Variants in UTRN observed in about 807,000 individuals in gnomAD.
The protein encoded by UTRN is dystrophin-related protein 1.
A neutral mutation model predicts 463.9 loss-of-function variants in UTRN; 283 were observed. The observed-to-expected ratio is 0.61, with a 90% CI of 0.55 to 0.67. The LOEUF (loss-of-function observed/expected upper bound fraction) is 0.67. Ranked by LOEUF, UTRN falls within the 30% of genes least tolerant of loss-of-function variation. UTRN has a pLI of 0.00. For synonymous variants in UTRN, 1,442 were observed against 1,431.5 expected (o/e 1.01, Z -0.17); for missense variants, 3,922 against 4,084.3 (o/e 0.96, Z 1.08).
At chr6:144,701,387 C>T (rs1784580024) in intron 53 of UTRN, among the ~76,000 whole-genome samples, 1 of 149,810 alleles carries the variant, frequency 6.7e-6, no homozygotes, top group Admixed American at 6.7e-5. Context: ...TTTTACTTTT[C>T]TGAGCCAAGC....
intron 2 of UTRN, among the ~76,000 whole-genome samples, chr6:144,359,314 C>T (rs1778836803): frequency 6.6e-6 from 1 of 152,192 alleles, no homozygotes; most frequent in African/African-American, 2.4e-5. Context: ...CTTGCAGGGG[C>T]AAAACCACTC....
intron 51 of UTRN, among the ~76,000 whole-genome samples, chr6:144,623,674 G>T (rs940175893): frequency 6.6e-6 from 1 of 152,116 alleles, no homozygotes; most frequent in Non-Finnish European, 1.5e-5. Flanking sequence ...GATAGAAAAT[G>T]TATTTAATTT....
At chr6:144,824,612 A>ATATATATATG (rs1562955125) in intron 66 of UTRN, among the ~76,000 whole-genome samples, 1 of 39,802 alleles carries the variant, frequency 2.5e-5, no homozygotes, top group Non-Finnish European at 4.3e-5. Context: ...ATATATATAT[A>ATATATATATG]TCTTTTTTTT....
At position 144,646,210 on chromosome 6, in the gene UTRN, C is replaced by T. The variant is rs918655635; in HGVS notation, c.7480-32196C>T. The stretch of plus-strand genomic sequence containing the variant: ...TATTCGGCTTGAAAAGTTATTGAGG[C>T]ATGTTTTTCCACCTTTTTAACCTTC... On this transcript the variant is annotated intron_variant, in intron 51 of 74. Coordinates refer to ENST00000367545, the MANE Select transcript of UTRN (RefSeq NM_007124.3). Among the ~76,000 whole-genome samples, 14 of 152,270 alleles carry T rather than the reference C, an allele frequency of 9.2e-5. No homozygotes were observed. The East Asian group carries it at 1.2e-3, about 13-fold the overall frequency.
Position 144,499,445 on chromosome 6 carries a change from T to A in UTRN, c.4764+18T>A, listed in dbSNP as rs769045796. 4.4e-6 allele frequency: 7 copies of A among 1,585,814 alleles called. No homozygotes were observed. The South Asian group carries it at 7.9e-5, about 18-fold the overall frequency. Reference sequence around the variant, plus strand: ...GGGCTAAAGTAAGTTGCAGTTCAGATGAAACACCAGCATGATGCCAGCGTA... The same window carrying A: ...GGGCTAAAGTAAGTTGCAGTTCAGAAGAAACACCAGCATGATGCCAGCGTA... On this transcript the variant is annotated intron_variant, in intron 34 of 74. Coordinates refer to ENST00000367545, the MANE Select transcript of UTRN (RefSeq NM_007124.3).
At chr6:144,372,275 T>C (rs183372884) in intron 2 of UTRN, among the ~76,000 whole-genome samples, 1 of 152,254 alleles carries the variant, frequency 6.6e-6, no homozygotes, top group Non-Finnish European at 1.5e-5. Context: ...ATTGCCTGGG[T>C]TGGACTCTGC....
chr6:144,789,703 T>A (rs1204863292), intron 62 of UTRN, among the ~76,000 whole-genome samples: 5 of 152,176 alleles, frequency 3.3e-5, no homozygotes, highest in Non-Finnish European at 7.4e-5. Context: ...AGCCTAAACT[T>A]TTTTTTATTT....
intron 57 of UTRN, among the ~76,000 whole-genome samples, chr6:144,756,739 C>G (rs891358896): frequency 7.9e-5 from 12 of 152,064 alleles, no homozygotes; most frequent in Admixed American, 4.6e-4. Context: ...AGATTGAGAA[C>G]AGAGTGCTTG....
chr6:144,538,251 A>G (rs1201521635), intron 44 of UTRN, among the ~76,000 whole-genome samples: 6 of 152,178 alleles, frequency 3.9e-5, no homozygotes, highest in Non-Finnish European at 5.9e-5. Flanking sequence ...TCATACATAT[A>G]TAGATGTATA....
intron 55 of UTRN, among the ~76,000 whole-genome samples, chr6:144,751,198 AAG>A: frequency 6.6e-6 from 1 of 152,204 alleles, no homozygotes; most frequent in Admixed American, 6.6e-5. Flanking sequence ...ACAGAATAAA[AAG>A]AAAACACGAA....
chr6:144,354,687 A>G (rs1407842139), intron 2 of UTRN, among the ~76,000 whole-genome samples: 3 of 151,998 alleles, frequency 2.0e-5, no homozygotes, highest in Admixed American at 6.5e-5. Flanking sequence ...ATTCACTCCT[A>G]TGGTCGGTCA....
chr6:144,609,128 A>G (rs75348515), intron 51 of UTRN, among the ~76,000 whole-genome samples: 2,121 of 152,302 alleles, frequency 0.014, 31 homozygotes, highest in East Asian at 0.058. Flanking sequence ...TAAACTCTCT[A>G]TTATAAAAAG....
chr6:144,791,568 TA>T (rs79194006), intron 62 of UTRN, among the ~76,000 whole-genome samples: 19,201 of 141,262 alleles, frequency 0.14, 1,702 homozygotes, highest in Admixed American at 0.34. Flanking sequence ...AGCGAGACCT[TA>T]AAAAAAAAAA....
At chr6:144,344,009 A>C (rs1777355549) in intron 2 of UTRN, 1 of 496,416 alleles carries the variant, frequency 2.0e-6, no homozygotes, top group African/African-American at 2.1e-5. Flanking sequence ...CACTGACTAC[A>C]AAGTGTAACT....
At chr6:144,461,160 T>C (rs1406428904) in intron 21 of UTRN, 37 bp from the exon 22 acceptor site, 1 of 1,527,200 alleles carries the variant, frequency 6.5e-7, no homozygotes, top group South Asian at 1.3e-5. Context: ...TGGTTCCTAA[T>C]ATGATTTTTT....
intron 42 of UTRN, among the ~76,000 whole-genome samples, chr6:144,531,531 T>C (rs1182392805): frequency 6.6e-6 from 1 of 152,240 alleles, no homozygotes; most frequent in Non-Finnish European, 1.5e-5. Context: ...AATATTTGCA[T>C]GCCTCACCTC....
At chr6:144,792,019 G>A (rs1776802823) in intron 62 of UTRN, among the ~76,000 whole-genome samples, 1 of 152,144 alleles carries the variant, frequency 6.6e-6, no homozygotes, top group Non-Finnish European at 1.5e-5. Context: ...AAATATTTTT[G>A]TCTATGATAG....
chr6:144,635,308 C>T (rs140390042), intron 51 of UTRN, among the ~76,000 whole-genome samples: 52 of 151,270 alleles, frequency 3.4e-4, no homozygotes, highest in African/African-American at 1.2e-3. Context: ...ACACCACCAC[C>T]TCTGGCTAAT....
intron 51 of UTRN, among the ~76,000 whole-genome samples, chr6:144,620,385 G>C (rs752461864): frequency 6.6e-6 from 1 of 151,822 alleles, no homozygotes; most frequent in Non-Finnish European, 1.5e-5. Flanking sequence ...TCTAATAAAG[G>C]CTCCATCTGC....
Sources: gnomAD v4.1 joint callset for allele counts (sites outside exome capture counted in the v4.1 genomes callset) on GRCh38, gnomAD v4.1.1 for gene constraint, MANE v1.5 for transcripts, NCBI Gene and HGNC (gene_info 2026-07-23, HGNC 2026-07-21) for gene names.